PCP4: variants seen among roughly 807,000 people sequenced by gnomAD.
The protein encoded by PCP4 is calmodulin regulator protein PCP4.
A neutral mutation model predicts 10.0 loss-of-function variants in PCP4; 8 were observed. The ratio of observed to expected loss-of-function variants is 0.80; its 90% CI spans 0.47 to 1.45. PCP4 has a LOEUF of 1.45. PCP4 is among the 40% of genes most tolerant of loss of function. The pLI is 0.00. For missense variants in PCP4, 54 were observed against 74.4 expected, an observed-to-expected ratio of 0.73 and a Z score of 1.01; for synonymous variants, 21 against 23.0, an observed-to-expected ratio of 0.91 and a Z score of 0.24.
Position 39,867,486 on chromosome 21 carries a change from T to C in PCP4, c.-16T>C, listed in dbSNP as rs781367090. 2 of 1,614,060 alleles carry C rather than the reference T, an allele frequency of 1.2e-6. No individual in the cohort carries two copies. The highest frequency in any genetic ancestry group is 1.7e-5 in the Admixed American group (1 of 60,014). ...TGTGCTGAGCGGCGGGACTGAGCTG[T>C]TGAGTTAGAGCCAACATGAGTGAGG... is the stretch of plus-strand genomic sequence containing the variant. On this transcript the variant is annotated 5_prime_UTR_variant, in exon 1 of 3. Coordinates refer to ENST00000328619, the MANE Select transcript of PCP4 (RefSeq NM_006198.3).
At chr21:39,872,271 T>A (rs1176097014) in intron 1 of PCP4, among the ~76,000 whole-genome samples, 1 of 152,188 alleles carries the variant, frequency 6.6e-6, no homozygotes, top group Non-Finnish European at 1.5e-5. Flanking sequence ...AGTGCTGGGA[T>A]TACAGGTGTG....
rs547318091 is a variant in PCP4 at position 39,913,919 on chromosome 21, C to T, written c.62-15065C>T. Among the ~76,000 whole-genome samples the T allele has an allele frequency of 6.6e-5, 10 of 152,236 alleles. No homozygotes were observed. In the East Asian group the frequency reaches 7.7e-4, roughly 12 times the overall value. On this transcript the variant is annotated intron_variant, in intron 2 of 2. Transcript: ENST00000328619. ...AGAAGCTCAGGGTGAAGAGCCAGGGCGGGAAGTGCCCCATGAGATAGCATG... is the reference window on the plus strand; with the variant it reads ...AGAAGCTCAGGGTGAAGAGCCAGGGTGGGAAGTGCCCCATGAGATAGCATG...
At chr21:39,897,612 G>A (rs1338539911) in intron 1 of PCP4, among the ~76,000 whole-genome samples, 1 of 152,076 alleles carries the variant, frequency 6.6e-6, no homozygotes, top group African/African-American at 2.4e-5. Flanking sequence ...AAAGTGTTAA[G>A]TCTAACCTTA....
At chr21:39,912,102 C>T (rs1379944062) in intron 2 of PCP4, among the ~76,000 whole-genome samples, 1 of 152,080 alleles carries the variant, frequency 6.6e-6, no homozygotes, top group African/African-American at 2.4e-5. Flanking sequence ...TGATGTTAGA[C>T]ATTTTTTTTT....
At chr21:39,879,374 A>C (rs2087361030) in intron 1 of PCP4, among the ~76,000 whole-genome samples, 1 of 152,138 alleles carries the variant, frequency 6.6e-6, no homozygotes, top group South Asian at 2.1e-4. Flanking sequence ...TTTTTCATCC[A>C]GGTTCCTTCT....
At chr21:39,881,118 T>G (rs982908824) in intron 1 of PCP4, among the ~76,000 whole-genome samples, 2 of 152,190 alleles carry the variant, frequency 1.3e-5, no homozygotes, top group African/African-American at 4.8e-5. Context: ...CTCAATCCAC[T>G]TCTTGGGCTG....
intron 2 of PCP4, among the ~76,000 whole-genome samples, chr21:39,898,928 G>C (rs147491508): frequency 1.3e-5 from 2 of 152,184 alleles, no homozygotes; most frequent in Non-Finnish European, 2.9e-5. Flanking sequence ...ACTTGCTTCA[G>C]CCCTCCGGAG....
Position 39,929,121 on chromosome 21 carries a change from C to T in PCP4, c.*10C>T. On this transcript the variant is annotated 3_prime_UTR_variant, in exon 3 of 3. Coordinates refer to ENST00000328619, the MANE Select transcript of PCP4 (RefSeq NM_006198.3). ...TGGGTCTCAGTCCTAGTGGGAGAAC[C>T]CCCTCCTAGTCCACCTGAAAACACC... is the stretch of plus-strand genomic sequence containing the variant. 2 of 1,607,920 alleles carry T rather than the reference C, an allele frequency of 1.2e-6. No individual in the cohort carries two copies. The highest frequency in any genetic ancestry group is 1.7e-6 in the Non-Finnish European group (2 of 1,176,840).
intron 1 of PCP4, among the ~76,000 whole-genome samples, chr21:39,879,488 G>A (rs2249245): frequency 0.19 from 29,563 of 152,120 alleles, 3,013 homozygotes; most frequent in Non-Finnish European, 0.22. Flanking sequence ...AGAATTGGCT[G>A]AAATTCCTAT....
chr21:39,892,137 C>A (rs1260739277), intron 1 of PCP4, among the ~76,000 whole-genome samples: 1 of 152,204 alleles, frequency 6.6e-6, no homozygotes, highest in Non-Finnish European at 1.5e-5. Context: ...TCAAGGAGCC[C>A]TCAAGCGGCC....
chr21:39,916,671 C>T (rs2087569996), intron 2 of PCP4, among the ~76,000 whole-genome samples: 1 of 152,168 alleles, frequency 6.6e-6, no homozygotes, highest in South Asian at 2.1e-4. Context: ...TGTATATGTT[C>T]ATTGCAGCAC....
At chr21:39,886,132 T>A (rs2087399570) in intron 1 of PCP4, among the ~76,000 whole-genome samples, 1 of 152,208 alleles carries the variant, frequency 6.6e-6, no homozygotes, top group South Asian at 2.1e-4. Context: ...GATGTTATCT[T>A]CCAATAGGAT....
intron 1 of PCP4, among the ~76,000 whole-genome samples, chr21:39,889,157 C>G (rs1218804876): frequency 2.6e-5 from 4 of 152,144 alleles, no homozygotes; most frequent in African/African-American, 9.7e-5. Flanking sequence ...AGGATGCTCT[C>G]TTTCTTTCTA....
At chr21:39,896,502 A>AT (rs1285342901) in intron 1 of PCP4, among the ~76,000 whole-genome samples, 6 of 152,208 alleles carry the variant, frequency 3.9e-5, no homozygotes, top group Non-Finnish European at 8.8e-5. Context: ...AGAAGCAGGC[A>AT]TTTTTACTTG....
intron 1 of PCP4, among the ~76,000 whole-genome samples, chr21:39,885,896 G>A (rs1409550107): frequency 1.3e-5 from 2 of 152,234 alleles, no homozygotes; most frequent in East Asian, 1.9e-4. Context: ...TAGTTCTGGA[G>A]ACCAGAAGTT....
At chr21:39,882,753 G>A (rs534525032) in intron 1 of PCP4, among the ~76,000 whole-genome samples, 2 of 152,288 alleles carry the variant, frequency 1.3e-5, no homozygotes, top group South Asian at 4.1e-4. Flanking sequence ...ACCCTTAAAT[G>A]GGTGAGTTAC....
chr21:39,910,030 A>G (rs899780375), intron 2 of PCP4, among the ~76,000 whole-genome samples: 1 of 152,234 alleles, frequency 6.6e-6, no homozygotes, highest in East Asian at 1.9e-4. Flanking sequence ...TCCCGATCTC[A>G]GGCGATCTGC....
intron 1 of PCP4, among the ~76,000 whole-genome samples, chr21:39,870,886 T>C (rs1362849083): frequency 6.6e-6 from 1 of 152,220 alleles, no homozygotes; most frequent in East Asian, 1.9e-4. Flanking sequence ...TGCAACTCAG[T>C]ACAAGGGCTG....
chr21:39,919,210 C>T lies in PCP4; in HGVS notation c.62-9774C>T, dbSNP rs533499400. Reference sequence around the variant, plus strand: ...CTCCCTCTCTTTGGCCGAGTGGCCTCGGTGTGGCCGAGGGGATCCCAGCTA... The same window carrying T: ...CTCCCTCTCTTTGGCCGAGTGGCCTTGGTGTGGCCGAGGGGATCCCAGCTA... On this transcript the variant is annotated intron_variant, in intron 2 of 2. Transcript: ENST00000328619. Among the ~76,000 whole-genome samples, 290 of 152,288 alleles carry T rather than the reference C, an allele frequency of 1.9e-3. 1 individual carries two copies. Among genetic ancestry groups the T allele is most frequent in the African/African-American group, 6.8e-3 (282 of 41,558 alleles).
Sources: allele counts gnomAD v4.1 joint callset (sites outside exome capture counted in the v4.1 genomes callset), GRCh38; gene constraint gnomAD v4.1.1; transcripts MANE v1.5; gene names NCBI Gene and HGNC (gene_info 2026-07-23, HGNC 2026-07-21).